Variants in TP63 observed in about 807,000 individuals in gnomAD.
TP63 encodes the protein tumor protein p63, also known as tumor protein 63.
A neutral mutation model predicts 82.8 loss-of-function variants in TP63; 17 were observed. The observed-to-expected ratio is 0.21, with a 90% CI of 0.14 to 0.31. The LOEUF (loss-of-function observed/expected upper bound fraction) is 0.31. Ranked by LOEUF, TP63 falls within the 10% of genes least tolerant of loss-of-function variation. The pLI is 1.00. For missense variants in TP63, 648 were observed against 895.3 expected (o/e 0.72, Z 3.52); for synonymous variants, 330 against 321.7 (o/e 1.03, Z -0.28).
intron 4 of TP63, among the ~76,000 whole-genome samples, chr3:189,835,955 A>AATG (rs1384643730): frequency 9.1e-6 from 1 of 110,236 alleles, no homozygotes; most frequent in African/African-American, 3.1e-5. Flanking sequence ...TAATAATAAT[A>AATG]ATAATAATAA....
chr3:189,641,481 A>C (rs1425719603), intron 1 of TP63, among the ~76,000 whole-genome samples: 2 of 152,108 alleles, frequency 1.3e-5, no homozygotes, highest in East Asian at 3.8e-4. Flanking sequence ...ACAAAGAAAA[A>C]TTTAGTAAAA....
intron 3 of TP63, among the ~76,000 whole-genome samples, chr3:189,761,573 C>T (rs1034946787): frequency 2.6e-5 from 4 of 152,170 alleles, no homozygotes; most frequent in African/African-American, 7.2e-5. Context: ...CAACAAGTCT[C>T]TAGGAAGTTC....
intron 1 of TP63, among the ~76,000 whole-genome samples, chr3:189,690,780 A>T (rs1365409986): frequency 1.3e-5 from 2 of 152,126 alleles, no homozygotes; most frequent in African/African-American, 4.8e-5. Flanking sequence ...GCAATTTCTG[A>T]TCATTACTGG....
intron 10 of TP63, among the ~76,000 whole-genome samples, chr3:189,876,976 T>C (rs1719303398): frequency 6.6e-6 from 1 of 152,226 alleles, no homozygotes; most frequent in Non-Finnish European, 1.5e-5. Flanking sequence ...GAGAACGTAC[T>C]TTCTGTAAGG....
chr3:189,672,664 AGAAGGAAG>A (rs71173301), intron 1 of TP63, among the ~76,000 whole-genome samples: 3,983 of 118,698 alleles, frequency 0.034, 107 homozygotes, highest in African/African-American at 0.068. Flanking sequence ...AAGGAAGGAA[AGAAGGAAG>A]GAAGGAAGGA....
chr3:189,690,506 A>G (rs1716831438), intron 1 of TP63, among the ~76,000 whole-genome samples: 1 of 152,168 alleles, frequency 6.6e-6, no homozygotes, highest in South Asian at 2.1e-4. Context: ...CTGAGGTCTC[A>G]TGTGGATCTG....
At chr3:189,639,338 G>A (rs1255779151) in intron 1 of TP63, among the ~76,000 whole-genome samples, 1 of 152,144 alleles carries the variant, frequency 6.6e-6, no homozygotes, top group African/African-American at 2.4e-5. Flanking sequence ...GGAAATGACA[G>A]TTATTAACAT....
chr3:189,722,945 A>G (rs1350722075), intron 1 of TP63, among the ~76,000 whole-genome samples: 1 of 152,220 alleles, frequency 6.6e-6, no homozygotes, highest in Non-Finnish European at 1.5e-5. Context: ...ATTAGAATTT[A>G]GGTGAATACT....
Position 189,812,570 on chromosome 3 carries a change from C to T in TP63, c.579+4044C>T, listed in dbSNP as rs554099689. 6.0e-4 allele frequency among the ~76,000 whole-genome samples: 91 copies of T among 152,260 alleles called. 1 individual carries two copies. In the Middle Eastern group the frequency reaches 0.014, roughly 23 times the overall value. On this transcript the variant is annotated intron_variant, in intron 4 of 13. Transcript: ENST00000264731. ...AGAAACTTAAATTCAGATTTCAACT[C>T]GGAAACTTACTAACAGCATATGGGG...
At chr3:189,762,640 A>G (rs757042371) in intron 3 of TP63, among the ~76,000 whole-genome samples, 3 of 152,234 alleles carry the variant, frequency 2.0e-5, no homozygotes, top group Non-Finnish European at 2.9e-5. Context: ...ATGTATCTTT[A>G]TAAGTAAGAT....
At chr3:189,864,500 C>A in intron 5 of TP63, 82 bp downstream of exon 5, 1 of 1,389,184 alleles carries the variant, frequency 7.2e-7, no homozygotes, top group Non-Finnish European at 9.7e-7. Context: ...GACCCACCTA[C>A]CTGATTCAGA....
intron 3 of TP63, among the ~76,000 whole-genome samples, chr3:189,752,814 C>A (rs1721920529): frequency 6.6e-6 from 1 of 152,028 alleles, no homozygotes; most frequent in Non-Finnish European, 1.5e-5. Flanking sequence ...TTAGACACTG[C>A]TTTAGCTGCA....
chr3:189,775,992 C>G (rs185437772), intron 3 of TP63, among the ~76,000 whole-genome samples: 68 of 152,262 alleles, frequency 4.5e-4, no homozygotes, highest in Middle Eastern at 3.4e-3. Flanking sequence ...CCACTTGACA[C>G]TTACAAAATA....
intron 1 of TP63, among the ~76,000 whole-genome samples, chr3:189,732,344 A>G (rs961159863): frequency 6.6e-6 from 1 of 152,206 alleles, no homozygotes; most frequent in African/African-American, 2.4e-5. Flanking sequence ...AGCCAGTCTA[A>G]GACAAAAATG....
chr3:189,685,086 TG>T (rs1716326420), intron 1 of TP63, among the ~76,000 whole-genome samples: 1 of 152,132 alleles, frequency 6.6e-6, no homozygotes, highest in Admixed American at 6.5e-5. Flanking sequence ...AAATAGAATG[TG>T]GTGGAAATTC....
At chr3:189,835,380 G>A (rs932418510) in intron 4 of TP63, among the ~76,000 whole-genome samples, 6 of 152,142 alleles carry the variant, frequency 3.9e-5, no homozygotes, top group African/African-American at 1.2e-4. Flanking sequence ...GGGAATAACT[G>A]TATCGTTTTT....
chr3:189,637,434 GA>G (rs1729855147), intron 1 of TP63, among the ~76,000 whole-genome samples: 1 of 152,022 alleles, frequency 6.6e-6, no homozygotes, highest in Admixed American at 6.6e-5. Context: ...TCAACTTTCG[GA>G]AGAAAGATCA....
intron 1 of TP63, among the ~76,000 whole-genome samples, chr3:189,733,653 G>T (rs971392588): frequency 6.6e-6 from 1 of 152,126 alleles, no homozygotes; most frequent in Non-Finnish European, 1.5e-5. Context: ...TGCTATGATT[G>T]CATTTACTTT....
chr3:189,759,495 C>T (rs1722412741), intron 3 of TP63, among the ~76,000 whole-genome samples: 1 of 151,984 alleles, frequency 6.6e-6, no homozygotes, highest in African/African-American at 2.4e-5. Flanking sequence ...GAACATGTGC[C>T]CAAGGTTGTT....
Sources: allele counts gnomAD v4.1 joint callset (sites outside exome capture counted in the v4.1 genomes callset), GRCh38; gene constraint gnomAD v4.1.1; transcripts MANE v1.5; gene names NCBI Gene and HGNC (gene_info 2026-07-23, HGNC 2026-07-21).